ULK4: variants seen among roughly 807,000 people sequenced by gnomAD.
ULK4 encodes unc-51 like kinase 4.
Under a neutral mutation model 160.6 loss-of-function variants are expected in ULK4, and 133 were observed. The ratio of observed to expected loss-of-function variants is 0.83; its 90% CI spans 0.72 to 0.96. The LOEUF is 0.96. Among genes scored for constraint, ULK4 ranks in the 40% least tolerant of loss-of-function variants. ULK4 has a pLI of 0.00. For missense variants in ULK4, 1,580 were observed against 1,499.5 expected (o/e 1.05, Z -0.89); for synonymous variants, 534 against 539.8 (o/e 0.99, Z 0.15).
intron 17 of ULK4, chr3:41,854,902 A>G (rs2042297573): frequency 6.6e-6 from 1 of 150,608 alleles, no homozygotes. Flanking sequence ...TCTTAGCCCA[A>G]ATCCATCTCA....
intron 32 of ULK4, among the ~76,000 whole-genome samples, chr3:41,506,777 T>TAAATATATATATATAA (rs1559658166): frequency 5.7e-5 from 1 of 17,426 alleles, no homozygotes; most frequent in African/African-American, 1.3e-4. Context: ...AATATATATA[T>TAAATATATATATATAA]ATATATATAT....
chr3:41,520,099 A>G (rs997023503), intron 32 of ULK4, among the ~76,000 whole-genome samples: 1 of 152,210 alleles, frequency 6.6e-6, no homozygotes, highest in East Asian at 1.9e-4. Flanking sequence ...TTTTAAGTAT[A>G]TAATTCAGTG....
At chr3:41,589,398 A>T (rs1297275762) in intron 31 of ULK4, among the ~76,000 whole-genome samples, 1 of 146,506 alleles carries the variant, frequency 6.8e-6, no homozygotes, top group East Asian at 2.1e-4. Flanking sequence ...CAATCTGCAT[A>T]TGCACAGGAA....
intron 29 of ULK4, among the ~76,000 whole-genome samples, chr3:41,668,644 C>T (rs1055358807): frequency 2.6e-5 from 4 of 152,078 alleles, no homozygotes; most frequent in African/African-American, 9.7e-5. Flanking sequence ...TCCCACATGG[C>T]ACATGACTAT....
At chr3:41,354,612 A>T (rs967702374) in intron 35 of ULK4, among the ~76,000 whole-genome samples, 1 of 152,112 alleles carries the variant, frequency 6.6e-6, no homozygotes, top group Admixed American at 6.5e-5. Context: ...ACTCTTTATT[A>T]TAGTTTCTGC....
chr3:41,876,559 T>C (rs1324716571), intron 17 of ULK4, among the ~76,000 whole-genome samples: 1 of 152,190 alleles, frequency 6.6e-6, no homozygotes, highest in Non-Finnish European at 1.5e-5. Flanking sequence ...ACCAATTCCA[T>C]TCCTACACAT....
chr3:41,487,720 A>G (rs2084591912), intron 32 of ULK4, among the ~76,000 whole-genome samples: 1 of 152,186 alleles, frequency 6.6e-6, no homozygotes, highest in Non-Finnish European at 1.5e-5. Flanking sequence ...TATAAAAACA[A>G]TCTCTCAAGT....
chr3:41,810,357 G>T (rs959780228), intron 19 of ULK4, among the ~76,000 whole-genome samples: 5 of 152,162 alleles, frequency 3.3e-5, no homozygotes, highest in Non-Finnish European at 5.9e-5. Flanking sequence ...ACAGTCCCAA[G>T]TCTCATTTTA....
intron 30 of ULK4, among the ~76,000 whole-genome samples, chr3:41,619,357 T>C (rs897497885): frequency 6.6e-6 from 1 of 152,136 alleles, no homozygotes; most frequent in African/African-American, 2.4e-5. Context: ...TATTTTAAAA[T>C]TGACCACATA....
At chr3:41,418,344 G>GA (rs919715773) in intron 34 of ULK4, among the ~76,000 whole-genome samples, 1 of 131,206 alleles carries the variant, frequency 7.6e-6, no homozygotes, top group African/African-American at 2.9e-5. Flanking sequence ...TAATTTGGCG[G>GA]GGGGGGGGGC....
intron 19 of ULK4, among the ~76,000 whole-genome samples, chr3:41,814,871 A>C (rs1298273016): frequency 2.7e-5 from 4 of 149,928 alleles, no homozygotes; most frequent in African/African-American, 9.8e-5. Context: ...TTTATGTTTT[A>C]GATGTCTTTT....
Position 41,602,251 on chromosome 3 carries a change from A to AAAAGGAAAGGAAAGGAAAGG in ULK4, c.3120+13398_3120+13417dup, listed in dbSNP as rs56277936. Among the ~76,000 whole-genome samples the AAAAGGAAAGGAAAGGAAAGG allele has an allele frequency of 5.9e-3, 509 of 86,710 alleles. 5 individuals carry two copies. Among genetic ancestry groups the AAAAGGAAAGGAAAGGAAAGG allele is most frequent in the African/African-American group, 0.015 (319 of 21,982 alleles). The allele number at this position is 86,710 out of a possible 152,430, so 56.9% of individuals were successfully genotyped here. On this transcript the variant is annotated intron_variant, in intron 31 of 36. Coordinates refer to ENST00000301831, the MANE Select transcript of ULK4 (RefSeq NM_017886.4). ...AAGGAAAGGAAAGGGAAGGAAGAGA[A>AAAAGGAAAGGAAAGGAAAGG]AAAGGAAAGGAAAGGAAAGGAAAGG...
chr3:41,318,138 T>TAA (rs11429605), intron 35 of ULK4, among the ~76,000 whole-genome samples: 18 of 146,952 alleles, frequency 1.2e-4, no homozygotes, highest in South Asian at 4.2e-4. Flanking sequence ...AAATTATAGT[T>TAA]AAAAAAAAAT....
At chr3:41,275,991 C>T (rs1335615294) in intron 35 of ULK4, among the ~76,000 whole-genome samples, 3 of 152,204 alleles carry the variant, frequency 2.0e-5, no homozygotes, top group Non-Finnish European at 2.9e-5. Flanking sequence ...AGCTCCTTTG[C>T]CAGCTTCTGA....
chr3:41,826,228 G>T (rs535910974), intron 18 of ULK4, among the ~76,000 whole-genome samples: 4 of 152,260 alleles, frequency 2.6e-5, no homozygotes, highest in African/African-American at 7.2e-5. Context: ...AGACGATGGA[G>T]GCTAGGAAGA....
intron 30 of ULK4, among the ~76,000 whole-genome samples, chr3:41,640,174 C>T (rs1467695176): frequency 2.6e-5 from 4 of 152,152 alleles, no homozygotes; most frequent in Non-Finnish European, 5.9e-5. Flanking sequence ...GGCATACAGG[C>T]CACTTACAGC....
chr3:41,434,701 A>C (rs184656589), intron 34 of ULK4, among the ~76,000 whole-genome samples: 127 of 152,346 alleles, frequency 8.3e-4, no homozygotes, highest in African/African-American at 3.0e-3. Flanking sequence ...ATCCGCCCAT[A>C]ATCAGGATGA....
chr3:41,671,538 T>C (rs781704068), intron 29 of ULK4, among the ~76,000 whole-genome samples: 12 of 152,084 alleles, frequency 7.9e-5, no homozygotes, highest in Non-Finnish European at 1.5e-4. Context: ...TGGAAAATCA[T>C]ATCCAGAAGA....
At chr3:41,914,463 G>T (rs1488315248) in intron 8 of ULK4, among the ~76,000 whole-genome samples, 2 of 152,194 alleles carry the variant, frequency 1.3e-5, no homozygotes, top group Admixed American at 6.5e-5. Flanking sequence ...CTAACATATT[G>T]TTGCTGGGAG....
Sources: allele counts gnomAD v4.1 joint callset (sites outside exome capture counted in the v4.1 genomes callset), GRCh38; gene constraint gnomAD v4.1.1; transcripts MANE v1.5; gene names NCBI Gene and HGNC (gene_info 2026-07-23, HGNC 2026-07-21).